Variants in EVI5 observed in about 807,000 individuals in gnomAD.
The protein encoded by EVI5 is ecotropic viral integration site 5 protein homolog.
EVI5 carries 73 observed loss-of-function variants against 112.0 expected under a neutral mutation model. That is an observed-to-expected ratio of 0.65 (90% confidence interval 0.54 to 0.79). The LOEUF (loss-of-function observed/expected upper bound fraction) is 0.79. Ranked by LOEUF, EVI5 falls within the 30% of genes least tolerant of loss-of-function variation. The pLI, the probability that EVI5 is intolerant of heterozygous loss-of-function variation, is 0.00. For synonymous variants in EVI5, 305 were observed against 319.9 expected (o/e 0.95, Z 0.50); for missense variants, 900 against 968.8 (o/e 0.93, Z 0.94).
At chr1:92,573,219 G>A (rs1030766558) in intron 18 of EVI5, among the ~76,000 whole-genome samples, 1 of 145,070 alleles carries the variant, frequency 6.9e-6, no homozygotes, top group Non-Finnish European at 1.6e-5. Flanking sequence ...AACTCACCCC[G>A]ACCTCCTAAT....
At chr1:92,770,366 T>A (rs928558215) in intron 1 of EVI5, among the ~76,000 whole-genome samples, 7 of 152,186 alleles carry the variant, frequency 4.6e-5, no homozygotes, top group Non-Finnish European at 8.8e-5. Flanking sequence ...ATACTTGGAG[T>A]GCTTCCGATT....
intron 1 of EVI5, among the ~76,000 whole-genome samples, chr1:92,782,407 G>A (rs954241118): frequency 6.6e-6 from 1 of 152,006 alleles, no homozygotes; most frequent in Admixed American, 6.6e-5. Flanking sequence ...CTCATATCCA[G>A]AATAAAGCAT....
chr1:92,514,694 T>C (rs768006790), intron 19 of EVI5, among the ~76,000 whole-genome samples: 4 of 152,182 alleles, frequency 2.6e-5, no homozygotes, highest in Admixed American at 6.5e-5. Flanking sequence ...GACAATCTTT[T>C]TACATTACAC....
intron 19 of EVI5, among the ~76,000 whole-genome samples, chr1:92,563,097 G>C (rs1668881990): frequency 6.6e-6 from 1 of 152,044 alleles, no homozygotes; most frequent in South Asian, 2.1e-4. Flanking sequence ...ATAGTACTTG[G>C]TAAAACTGAA....
intron 15 of EVI5, 97 bp downstream of exon 15, chr1:92,625,697 T>G (rs576215090): frequency 2.1e-5 from 21 of 993,884 alleles, no homozygotes; most frequent in Non-Finnish European, 3.0e-5. Context: ...CACTTTAAAC[T>G]CATCTACTAT....
chr1:92,620,145 G>C (rs1014157125), intron 16 of EVI5, among the ~76,000 whole-genome samples: 1 of 152,132 alleles, frequency 6.6e-6, no homozygotes, highest in Non-Finnish European at 1.5e-5. Context: ...GGAAGTTTGA[G>C]AACAGCCTGA....
chr1:92,741,343 A>G (rs1678362746), intron 1 of EVI5, among the ~76,000 whole-genome samples: 1 of 152,238 alleles, frequency 6.6e-6, no homozygotes, highest in Admixed American at 6.5e-5. Flanking sequence ...TTTCACCAAA[A>G]GAAGGCAGAA....
intron 2 of EVI5, among the ~76,000 whole-genome samples, chr1:92,728,680 G>T (rs114127244): frequency 6.6e-6 from 1 of 152,104 alleles, no homozygotes; most frequent in Admixed American, 6.5e-5. Flanking sequence ...GAGCCACCGG[G>T]CCCAGCGAAT....
intron 10 of EVI5, among the ~76,000 whole-genome samples, chr1:92,676,053 C>T (rs1666697909): frequency 6.7e-6 from 1 of 148,698 alleles, no homozygotes; most frequent in South Asian, 2.1e-4. Context: ...AAAAAACATC[C>T]ACAGGGGTCT....
At chr1:92,775,797 T>C (rs1284305677) in intron 1 of EVI5, among the ~76,000 whole-genome samples, 1 of 152,170 alleles carries the variant, frequency 6.6e-6, no homozygotes, top group East Asian at 1.9e-4. Flanking sequence ...GGCTTCTGTA[T>C]TTTATAAAAC....
At chr1:92,662,638 C>T in intron 13 of EVI5, 81 bp downstream of exon 13, 1 of 927,546 alleles carries the variant, frequency 1.1e-6, no homozygotes, top group Non-Finnish European at 1.3e-6. Context: ...AACAACAGCA[C>T]AAAATCTGTG....
intron 18 of EVI5, among the ~76,000 whole-genome samples, chr1:92,599,017 A>G (rs1648549723): frequency 2.6e-5 from 4 of 151,826 alleles, no homozygotes; most frequent in African/African-American, 9.7e-5. Context: ...TTTGAAAATA[A>G]ATTTAATAAA....
rs145456960 is a variant in EVI5 at position 92,624,330 on chromosome 1, T to C, written c.1673A>G (p.His558Arg). ...VKDLEEHWQR[H>R]LARTTGRWKD... Reference sequence around the variant, plus strand: ...CCATCTCCCAGTAGTACGAGCTAAGTGGCGCTAAAGCATAAAAAATTATAT... The same window carrying C: ...CCATCTCCCAGTAGTACGAGCTAAGCGGCGCTAAAGCATAAAAAATTATAT... The change falls in exon 16 of 20, where the codon CAC (histidine) becomes CGC (arginine). Residue 558 changes from histidine (H) to arginine (R), a missense_variant. Transcript: ENST00000684568. 544 of 1,613,158 alleles carry C rather than the reference T, an allele frequency of 3.4e-4. 2 individuals are homozygous for C. In the African/African-American group the frequency reaches 6.6e-3, roughly 20 times the overall value.
intron 2 of EVI5, among the ~76,000 whole-genome samples, chr1:92,705,104 A>G (rs530971963): frequency 1.3e-5 from 2 of 152,330 alleles, no homozygotes; most frequent in South Asian, 4.1e-4. Flanking sequence ...GGTACAACAA[A>G]TCTATGAAAT....
At chr1:92,553,376 C>T (rs1476408594) in intron 19 of EVI5, among the ~76,000 whole-genome samples, 2 of 146,472 alleles carry the variant, frequency 1.4e-5, no homozygotes, top group African/African-American at 2.5e-5. Flanking sequence ...AATCTCGGCT[C>T]GCTGCAACCT....
intron 12 of EVI5, 40 bp downstream of exon 12, chr1:92,663,380 G>T: frequency 9.5e-7 from 1 of 1,047,952 alleles, no homozygotes; most frequent in Non-Finnish European, 1.3e-6. Flanking sequence ...AGAAGTTAGA[G>T]AAGATGTTTT....
chr1:92,728,767 G>C (rs993239734), intron 2 of EVI5, among the ~76,000 whole-genome samples: 5 of 152,164 alleles, frequency 3.3e-5, no homozygotes, highest in Non-Finnish European at 7.3e-5. Context: ...TAATTCAAAA[G>C]TTTTAAATTG....
intron 1 of EVI5, among the ~76,000 whole-genome samples, chr1:92,742,860 C>T (rs2102864098): frequency 6.6e-6 from 1 of 152,248 alleles, no homozygotes; most frequent in Admixed American, 6.5e-5. Flanking sequence ...AAATTTAACA[C>T]AGAATTATAA....
At chr1:92,705,450 A>T (rs892456114) in intron 2 of EVI5, among the ~76,000 whole-genome samples, 5 of 152,180 alleles carry the variant, frequency 3.3e-5, no homozygotes, top group African/African-American at 1.2e-4. Flanking sequence ...TCTTCCTTCA[A>T]ATGCAGAAGG....
Sources: gnomAD v4.1 joint callset for allele counts (sites outside exome capture counted in the v4.1 genomes callset) on GRCh38, gnomAD v4.1.1 for gene constraint, MANE v1.5 for transcripts, NCBI Gene and HGNC (gene_info 2026-07-23, HGNC 2026-07-21) for gene names.